The following CPS1 variants were observed in gnomAD, a reference collection of about 807,000 sequenced individuals.
CPS1 encodes carbamoyl-phosphate synthase 1.
CPS1 carries 109 observed loss-of-function variants against 174.6 expected under a neutral mutation model. That is an observed-to-expected ratio of 0.62 (90% CI 0.53 to 0.73). The LOEUF (loss-of-function observed/expected upper bound fraction) is 0.73. Ranked by LOEUF, CPS1 falls within the 30% of genes least tolerant of loss-of-function variation. The probability of loss-of-function intolerance (pLI) is 0.00; values close to 1 mark genes in which losing one functional copy is unlikely to be tolerated. For synonymous variants in CPS1, 637 were observed against 632.0 expected (o/e 1.01, Z -0.12); for missense variants, 1,689 against 1,821.9 (o/e 0.93, Z 1.33).
At chr2:210,485,342 C>T (rs969811702) in intron 1 of CPS1, among the ~76,000 whole-genome samples, 2 of 151,900 alleles carry the variant, frequency 1.3e-5, no homozygotes, top group Admixed American at 1.3e-4. Context: ...TAGGTATATA[C>T]CCATAAATCA....
At chr2:210,576,242 T>G in intron 2 of CPS1, 104 bp from the exon 3 acceptor site, 1 of 1,233,432 alleles carries the variant, frequency 8.1e-7, no homozygotes. Flanking sequence ...TCTTGTTGGA[T>G]TCTTCTCATT....
chr2:210,480,928 C>A (rs1161420396), intron 1 of CPS1, among the ~76,000 whole-genome samples: 1 of 152,172 alleles, frequency 6.6e-6, no homozygotes, highest in Non-Finnish European at 1.5e-5. Flanking sequence ...GGAGCAATTG[C>A]CAGTGGAGGA....
intron 21 of CPS1, among the ~76,000 whole-genome samples, chr2:210,624,540 T>C (rs1164892547): frequency 6.6e-6 from 1 of 152,068 alleles, no homozygotes; most frequent in Non-Finnish European, 1.5e-5. Flanking sequence ...ATGCCAAAAA[T>C]ACATTTTATT....
chr2:210,477,703 T>G lies in CPS1; in HGVS notation c.-61T>G. On this transcript the variant is annotated 5_prime_UTR_variant, in exon 1 of 39. Coordinates refer to the CPS1 transcript ENST00000430249. ...GTTTGCTCTTTTAAAATAGTTGCTT[T>G]CTTAGGAAATGTAGTTGCTTTCTTA... The G allele has an allele frequency of 1.9e-6, 3 of 1,606,202 alleles. No homozygotes were observed. In the Admixed American group the frequency reaches 5.1e-5, roughly 27 times the overall value.
chr2:210,655,834 C>A lies in CPS1; in HGVS notation c.3559-691C>A, dbSNP rs140369375. On this transcript the variant is annotated intron_variant, in intron 29 of 37. Transcript: ENST00000233072. Reference sequence around the variant, plus strand: ...AGTCTTTTATACCTACCCAATTATTCTCCCTTACTCTCAGCTGCATCATTT... The same window carrying A: ...AGTCTTTTATACCTACCCAATTATTATCCCTTACTCTCAGCTGCATCATTT... 9.1e-3 allele frequency among the ~76,000 whole-genome samples: 1,387 copies of A among 152,276 alleles called. 11 individuals are homozygous for A. The highest frequency in any genetic ancestry group is 0.014 in the Non-Finnish European group (963 of 68,028).
intron 1 of CPS1, among the ~76,000 whole-genome samples, chr2:210,492,704 G>A (rs565762567): frequency 2.0e-5 from 3 of 152,148 alleles, no homozygotes; most frequent in South Asian, 2.1e-4. Context: ...AGTTTATATT[G>A]CAGGGGTTCT....
At position 210,528,929 on chromosome 2, in the gene CPS1, G is replaced by A. The variant is rs999807936; in HGVS notation, c.4-27790G>A. Among the ~76,000 whole-genome samples, 69 of 148,926 alleles carry A rather than the reference G, an allele frequency of 4.6e-4. 1 individual carries two copies. Among genetic ancestry groups the A allele is most frequent in the Admixed American group, 4.8e-4 (7 of 14,512 alleles). ...TGAATAAAAAACGTTAACTTTTACAGCATGAGTTATTGAGAAAATAGTAGT... is the reference window on the plus strand; with the variant it reads ...TGAATAAAAAACGTTAACTTTTACAACATGAGTTATTGAGAAAATAGTAGT... On this transcript the variant is annotated intron_variant, in intron 1 of 38. Coordinates refer to the CPS1 transcript ENST00000430249.
intron 19 of CPS1, among the ~76,000 whole-genome samples, chr2:210,611,167 C>G (rs778828162): frequency 6.6e-6 from 1 of 151,750 alleles, no homozygotes; most frequent in South Asian, 2.1e-4. Context: ...TCCCTTATTT[C>G]TAATTAAATT....
At chr2:210,613,792 T>C (rs1206887081) in intron 20 of CPS1, among the ~76,000 whole-genome samples, 2 of 151,922 alleles carry the variant, frequency 1.3e-5, no homozygotes, top group African/African-American at 4.8e-5. Context: ...GTTCTTTCTT[T>C]CACAGGGTAC....
At position 210,648,408 on chromosome 2, in the gene CPS1, A is replaced by G. The variant is rs369665169; in HGVS notation, c.3337-65A>G. The G allele has an allele frequency of 1.4e-3, 1,939 of 1,352,804 alleles. 9 individuals are homozygous for G. Among genetic ancestry groups the G allele is most frequent in the Non-Finnish European group, 1.3e-3 (1,277 of 945,978 alleles). The allele number at this position is 1,352,804 out of a possible 1,614,324, so 83.8% of individuals were successfully genotyped here. Reference sequence around the variant, plus strand: ...GGGCTACCACTCGAGCTAATGATACATTCTGTAATTTTATTGCATATTTTA... The same window carrying G: ...GGGCTACCACTCGAGCTAATGATACGTTCTGTAATTTTATTGCATATTTTA... On this transcript the variant is annotated intron_variant, in intron 26 of 37. Coordinates refer to ENST00000233072, the MANE Select transcript of CPS1 (RefSeq NM_001875.5).
intron 21 of CPS1, among the ~76,000 whole-genome samples, chr2:210,617,400 T>C (rs1172590869): frequency 6.6e-6 from 1 of 152,000 alleles, no homozygotes; most frequent in East Asian, 1.9e-4. Flanking sequence ...AAAATTTTGT[T>C]TGTATAAAAA....
At chr2:210,488,255 A>G (rs1314808358) in intron 1 of CPS1, among the ~76,000 whole-genome samples, 1 of 152,158 alleles carries the variant, frequency 6.6e-6, no homozygotes, top group Non-Finnish European at 1.5e-5. Context: ...ACTTTTTGTT[A>G]GATCATGTGT....
chr2:210,665,003 A>C (rs1701044726), intron 33 of CPS1, among the ~76,000 whole-genome samples: 1 of 152,218 alleles, frequency 6.6e-6, no homozygotes, highest in Admixed American at 6.5e-5. Flanking sequence ...TATTAGTCCT[A>C]ATCTTTAATG....
At chr2:210,625,094 AT>A (rs1699657092) in intron 21 of CPS1, among the ~76,000 whole-genome samples, 1 of 151,908 alleles carries the variant, frequency 6.6e-6, no homozygotes, top group Non-Finnish European at 1.5e-5. Flanking sequence ...TTGTTCTTCT[AT>A]TCAGTCATTA....
At chr2:210,496,760 G>T (rs1282770314) in intron 1 of CPS1, among the ~76,000 whole-genome samples, 1 of 152,090 alleles carries the variant, frequency 6.6e-6, no homozygotes, top group African/African-American at 2.4e-5. Context: ...TCTTCTATTT[G>T]CTTGAGACGT....
chr2:210,660,862 A>T (rs184553359), intron 32 of CPS1, among the ~76,000 whole-genome samples: 55 of 152,330 alleles, frequency 3.6e-4, no homozygotes, highest in Admixed American at 8.5e-4. Context: ...TTTTAAAACC[A>T]TCTAGAATTG....
chr2:210,672,323 T>G (rs186113806), intron 34 of CPS1: 5 of 152,304 alleles, frequency 3.3e-5, no homozygotes, highest in African/African-American at 1.2e-4. Flanking sequence ...AGTGCATGAT[T>G]AATGTATCAA....
intron 1 of CPS1, among the ~76,000 whole-genome samples, chr2:210,489,180 C>T (rs977803065): frequency 1.3e-5 from 2 of 152,118 alleles, no homozygotes; most frequent in Non-Finnish European, 2.9e-5. Context: ...AAGGAAATCT[C>T]GAGTTTAATT....
intron 1 of CPS1, among the ~76,000 whole-genome samples, chr2:210,524,523 C>T (rs556842662): frequency 6.6e-6 from 1 of 151,994 alleles, no homozygotes; most frequent in East Asian, 1.9e-4. Context: ...TTTGTCATCC[C>T]AAATGTATTT....
Sources: gnomAD v4.1 joint callset for allele counts (sites outside exome capture counted in the v4.1 genomes callset) on GRCh38, gnomAD v4.1.1 for gene constraint, MANE v1.5 for transcripts, NCBI Gene and HGNC (gene_info 2026-07-23, HGNC 2026-07-21) for gene names.